The following RDX variants were observed in gnomAD, a reference collection of about 807,000 sequenced individuals.
RDX encodes radixin.
In RDX, 32 loss-of-function variants were observed where a neutral mutation model predicts 83.7. That is an observed-to-expected ratio of 0.38 (90% CI 0.29 to 0.51). The LOEUF is 0.51. Ranked by LOEUF, RDX falls within the 20% of genes least tolerant of loss-of-function variation. The probability of loss-of-function intolerance (pLI) is 0.87; values close to 1 mark genes in which losing one functional copy is unlikely to be tolerated. For missense variants in RDX, 600 were observed against 689.9 expected (o/e 0.87, Z 1.46); for synonymous variants, 229 against 222.7 (o/e 1.03, Z -0.25).
intron 12 of RDX, among the ~76,000 whole-genome samples, chr11:110,235,028 G>C (rs184640320): frequency 1.3e-5 from 2 of 152,188 alleles, no homozygotes; most frequent in East Asian, 3.9e-4. Context: ...TTAGACAACA[G>C]TGGTTTCATC....
In RDX at chr11:110,214,911, C is replaced by T. The variant is rs1166149037; in HGVS notation, c.1749-15233G>A. Among the ~76,000 whole-genome samples, 3 of 147,290 alleles carry T rather than the reference C, an allele frequency of 2.0e-5. No homozygotes were observed. In the East Asian group the frequency reaches 5.9e-4, roughly 29 times the overall value. On this transcript the variant is annotated intron_variant, in intron 14 of 15. Coordinates refer to the RDX transcript ENST00000528498. ...ATGCTAGATGACAAGTTAGTGGGTG[C>T]AGCGCACCAGCATGGCACATGTATA... is the stretch of plus-strand genomic sequence containing the variant.
chr11:110,291,974 C>A (rs375298565), intron 1 of RDX, among the ~76,000 whole-genome samples: 1 of 151,242 alleles, frequency 6.6e-6, no homozygotes, highest in East Asian at 1.9e-4. Context: ...AGGGATACCC[C>A]GTATCTACAA....
chr11:110,233,922 T>C (rs1310527191), intron 12 of RDX, among the ~76,000 whole-genome samples: 1 of 152,150 alleles, frequency 6.6e-6, no homozygotes, highest in African/African-American at 2.4e-5. Flanking sequence ...AATCCAATGA[T>C]CACTAAAAAA....
At chr11:110,179,220 T>C (rs548133019) in intron 15 of RDX, among the ~76,000 whole-genome samples, 32 of 152,288 alleles carry the variant, frequency 2.1e-4, no homozygotes, top group African/African-American at 7.7e-4. Context: ...GGCTTTTTAT[T>C]TGGGTGATGC....
chr11:110,280,099 G>C (rs1255581185), intron 1 of RDX, among the ~76,000 whole-genome samples: 1 of 152,168 alleles, frequency 6.6e-6, no homozygotes, highest in Admixed American at 6.6e-5. Flanking sequence ...CAGGATGTTA[G>C]AGAAAGGAAC....
chr11:110,209,438 G>T (rs1023885282), intron 14 of RDX, among the ~76,000 whole-genome samples: 1 of 152,166 alleles, frequency 6.6e-6, no homozygotes, highest in Non-Finnish European at 1.5e-5. Context: ...GCCCAGGCTT[G>T]ATTAGGTAAA....
At chr11:110,283,215 G>A (rs570903258) in intron 1 of RDX, among the ~76,000 whole-genome samples, 46 of 152,080 alleles carry the variant, frequency 3.0e-4, no homozygotes, top group South Asian at 2.5e-3. Context: ...GTGCAGTGGC[G>A]CGATCTTGGC....
At chr11:110,291,852 G>A (rs781379636) in intron 1 of RDX, among the ~76,000 whole-genome samples, 1 of 152,154 alleles carries the variant, frequency 6.6e-6, no homozygotes, top group Non-Finnish European at 1.5e-5. Context: ...ATTTTGGCCA[G>A]GCATGGTGGC....
At chr11:110,198,710 T>C (rs1863290010) in intron 15 of RDX, among the ~76,000 whole-genome samples, 1 of 152,064 alleles carries the variant, frequency 6.6e-6, no homozygotes, top group East Asian at 1.9e-4. Flanking sequence ...TCCCAGCCCA[T>C]GGAAAATTTG....
chr11:110,273,016 C>G (rs1860366390), intron 2 of RDX: 1 of 456,378 alleles, frequency 2.2e-6, no homozygotes, highest in African/African-American at 2.0e-5. Context: ...CTCTTGAGGT[C>G]AGGAGTTTGA....
Position 110,231,703 on chromosome 11 carries a change from T to C in RDX, c.*166A>G, listed in dbSNP as rs1410067535. Reference sequence around the variant, plus strand: ...AAGAAAACCAAGCATGATATCATACTGCCTTAATGTTGAAGAGCTCCCCTT... The same window carrying C: ...AAGAAAACCAAGCATGATATCATACCGCCTTAATGTTGAAGAGCTCCCCTT... On this transcript the variant is annotated 3_prime_UTR_variant, in exon 14 of 14. Coordinates refer to ENST00000645495, the MANE Select transcript of RDX (RefSeq NM_002906.4). 3 of 738,260 alleles carry C rather than the reference T, an allele frequency of 4.1e-6. No individual in the cohort carries two copies. The highest frequency in any genetic ancestry group is 7.2e-6 in the Non-Finnish European group (3 of 415,098). 45.7% of individuals were successfully genotyped at this position (738,260 alleles called of 1,614,324 possible).
At chr11:110,248,568 T>G (rs1431135394) in intron 9 of RDX, among the ~76,000 whole-genome samples, 1 of 152,316 alleles carries the variant, frequency 6.6e-6, no homozygotes, top group East Asian at 1.9e-4. Context: ...TATATATTCC[T>G]GCATATAGAA....
chr11:110,175,791 G>C (rs1268746273), intron 15 of RDX, among the ~76,000 whole-genome samples: 3 of 152,250 alleles, frequency 2.0e-5, no homozygotes, highest in Admixed American at 1.3e-4. Flanking sequence ...TACATGAAAA[G>C]CTATTCAGTA....
chr11:110,269,898 C>T (rs574528735), intron 3 of RDX, among the ~76,000 whole-genome samples: 2 of 152,044 alleles, frequency 1.3e-5, no homozygotes, highest in African/African-American at 2.4e-5. Context: ...AAAAATTAGC[C>T]GGGCATGGTG....
At chr11:110,241,363 C>G (rs1479108941) in intron 10 of RDX, among the ~76,000 whole-genome samples, 3 of 152,024 alleles carry the variant, frequency 2.0e-5, no homozygotes. Flanking sequence ...GTGGCACGAT[C>G]TCAGCTCACT....
intron 14 of RDX, among the ~76,000 whole-genome samples, chr11:110,221,511 T>C (rs780644173): frequency 2.0e-5 from 3 of 151,320 alleles, no homozygotes. Flanking sequence ...GGCAGAAGGA[T>C]CGCTTGAACC....
Position 110,231,906 on chromosome 11 carries a change from T to C in RDX, c.1715A>G (p.Asn572Ser), listed in dbSNP as rs1864652424. ...AAACTCATCGATACGCTGCTTTGTA[T>C]TGCCTTGTCGAATCTGTCGCAGAGT... ...YKTLRQIRQG[N>S]TKQRIDEFEA... Residue 572 changes from asparagine to serine, a missense_variant, in exon 14 of 14, where the codon AAT becomes AGT. Transcript: ENST00000645495. 2 of 1,613,314 alleles carry C rather than the reference T, an allele frequency of 1.2e-6. No individual in the cohort carries two copies. The highest frequency in any genetic ancestry group is 1.1e-5 in the South Asian group (1 of 91,028).
At position 110,199,219 on chromosome 11, in the gene RDX, T is replaced by C. The variant is rs374103133; in HGVS notation, c.*31+362A>G. On this transcript the variant is annotated intron_variant, in intron 15 of 15. Transcript: ENST00000528498. ...TCATTCTCAATGCTAGAGAGGGCTC[T>C]TTCTAAAGGTAAGAGAATCCCCTAA... is the stretch of plus-strand genomic sequence containing the variant. Among the ~76,000 whole-genome samples, 8 of 152,212 alleles carry C rather than the reference T, an allele frequency of 5.3e-5. No individual in the cohort carries two copies. The East Asian group carries it at 1.2e-3, about 22-fold the overall frequency.
At chr11:110,212,862 A>G (rs1863890970) in intron 14 of RDX, among the ~76,000 whole-genome samples, 1 of 143,130 alleles carries the variant, frequency 7.0e-6, no homozygotes, top group Non-Finnish European at 1.5e-5. Context: ...ATCTATGACA[A>G]ACCCACAGCC....
Sources: gnomAD v4.1 joint callset for allele counts (sites outside exome capture counted in the v4.1 genomes callset) on GRCh38, gnomAD v4.1.1 for gene constraint, MANE v1.5 for transcripts, NCBI Gene and HGNC (gene_info 2026-07-23, HGNC 2026-07-21) for gene names.